ADD2: variants seen among roughly 807,000 people sequenced by gnomAD.
ADD2 encodes the protein adducin 2, also known as beta-adducin.
ADD2 carries 23 observed loss-of-function variants against 83.0 expected under a neutral mutation model. The observed-to-expected ratio is 0.28, with a 90% CI of 0.20 to 0.39. The LOEUF is 0.39. ADD2 is among the 10% of genes least tolerant of loss of function. ADD2 has a pLI of 1.00. For synonymous variants in ADD2, 375 were observed against 375.4 expected, an observed-to-expected ratio of 1.00 and a Z score of 0.01; for missense variants, 758 against 944.9, an observed-to-expected ratio of 0.80 and a Z score of 2.59.
At position 70,676,399 on chromosome 2, in the gene ADD2, C is replaced by T; in HGVS notation, c.1593+397G>A. On this transcript the variant is annotated intron_variant, in intron 13 of 15. Coordinates refer to ENST00000264436, the MANE Select transcript of ADD2 (RefSeq NM_001617.4). This position sits in a 1 kb window ranked among gnomAD's most constrained non-coding sequence, Gnocchi z 4.8. ...GAGCTCTGGTTGGATGATGTCATAC[C>T]AGGCTCAGAGGTCAGAGACTCTCAG... is the stretch of plus-strand genomic sequence containing the variant. The T allele has an allele frequency of 6.1e-6, 7 of 1,148,670 alleles. No individual in the cohort carries two copies. Among genetic ancestry groups the T allele is most frequent in the Non-Finnish European group, 7.5e-6 (7 of 932,320 alleles). The allele number at this position is 1,148,670 out of a possible 1,614,324, so 71.2% of individuals were successfully genotyped here. A position where few individuals can be genotyped will look rare whatever the true frequency, so the allele number is the denominator to read the frequency against.
chr2:70,717,743 C>G (rs908043281), intron 1 of ADD2: 1 of 152,290 alleles, frequency 6.6e-6, no homozygotes, highest in African/African-American at 2.4e-5. Context: ...GCTGCTGCTA[C>G]TTTTACAGAA....
intron 15 of ADD2, among the ~76,000 whole-genome samples, chr2:70,668,395 C>T (rs1553366520): frequency 6.6e-6 from 1 of 152,222 alleles, no homozygotes; most frequent in African/African-American, 2.4e-5. Flanking sequence ...CACACTGCAT[C>T]TGGACAGCCT....
intron 1 of ADD2, among the ~76,000 whole-genome samples, chr2:70,751,827 A>G (rs1674519288): frequency 1.3e-5 from 2 of 152,200 alleles, no homozygotes; most frequent in South Asian, 4.1e-4. Flanking sequence ...CTCAAAATCA[A>G]TCAAGATAAA....
intron 9 of ADD2, 61 bp from the exon 10 acceptor site, chr2:70,683,828 T>C (rs1670587967): frequency 3.3e-6 from 5 of 1,530,318 alleles, no homozygotes; most frequent in Non-Finnish European, 4.4e-6. Flanking sequence ...CACTTATCTA[T>C]GCTCCTGTAT....
chr2:70,661,471 G>C lies in ADD2; in HGVS notation c.*1954C>G, dbSNP rs552976770. On this transcript the variant is annotated 3_prime_UTR_variant, in exon 16 of 16. Coordinates refer to ENST00000264436, the MANE Select transcript of ADD2 (RefSeq NM_001617.4). ...TAAAATTTGACCCAATCAGGAAGTAGAACAGAGATGGAGCCTGGGGTAGCA... is the reference window on the plus strand; with the variant it reads ...TAAAATTTGACCCAATCAGGAAGTACAACAGAGATGGAGCCTGGGGTAGCA... 3 of 152,202 alleles carry C rather than the reference G, an allele frequency of 2.0e-5. No individual in the cohort carries two copies. Among genetic ancestry groups the C allele is most frequent in the African/African-American group, 7.2e-5 (3 of 41,452 alleles). The allele number at this position is 152,202 out of a possible 1,614,324, so 9.4% of individuals were successfully genotyped here.
intron 1 of ADD2, among the ~76,000 whole-genome samples, chr2:70,725,972 G>C (rs1672974494): frequency 6.6e-6 from 1 of 151,902 alleles, no homozygotes; most frequent in South Asian, 2.1e-4. Flanking sequence ...CGGATCACGA[G>C]GTCAGGAGAT....
intron 1 of ADD2, among the ~76,000 whole-genome samples, chr2:70,743,772 C>T (rs146692108): frequency 8.5e-5 from 13 of 152,264 alleles, no homozygotes; most frequent in African/African-American, 2.9e-4. Context: ...GGCCAGATTA[C>T]TATAGCAGGT....
intron 1 of ADD2, among the ~76,000 whole-genome samples, chr2:70,717,073 G>A (rs1553376481): frequency 6.6e-6 from 1 of 151,942 alleles, no homozygotes; most frequent in East Asian, 1.9e-4. Context: ...ACCTCCCTCA[G>A]CTGGGACCCT....
At chr2:70,711,141 TGAA>T (rs1478466388) in intron 2 of ADD2, 2 of 152,214 alleles carry the variant, frequency 1.3e-5, no homozygotes, top group African/African-American at 4.8e-5. Context: ...ACCAGGATGC[TGAA>T]GATCAGAGGA....
At chr2:70,736,776 GTT>G (rs201172481) in intron 1 of ADD2, among the ~76,000 whole-genome samples, 1 of 143,492 alleles carries the variant, frequency 7.0e-6, no homozygotes, top group Non-Finnish European at 1.5e-5. Flanking sequence ...CTGTGTTGCT[GTT>G]TTTTTTTTTT....
In ADD2 at chr2:70,678,877, C is replaced by T; in HGVS notation, c.1210G>A (p.Val404Ile). The part of the protein sequence containing the change: ...HKSEVEIPAT[V>I]TAFVFEEDGA... ...TCCTCCTCAAACACGAAGGCTGTGACCGTGGCTGGAATCTCCACCTCACTT... is the reference window on the plus strand; with the variant it reads ...TCCTCCTCAAACACGAAGGCTGTGATCGTGGCTGGAATCTCCACCTCACTT... The change falls in exon 11 of 16, where the codon GTC becomes ATC. Residue 404 changes from valine (V) to isoleucine (I), a missense_variant. Val to Ile is a conservative substitution (Grantham distance 29). Coordinates refer to ENST00000264436, the MANE Select transcript of ADD2 (RefSeq NM_001617.4). 6.2e-7 allele frequency: 1 copy of T among 1,614,214 alleles called. No individual in the cohort carries two copies. Among genetic ancestry groups the T allele is most frequent in the South Asian group, 1.1e-5 (1 of 91,086 alleles).
intron 9 of ADD2, among the ~76,000 whole-genome samples, chr2:70,684,640 G>T (rs1242815253): frequency 6.6e-6 from 1 of 152,188 alleles, no homozygotes; most frequent in Non-Finnish European, 1.5e-5. Flanking sequence ...TGAATTCACA[G>T]GTCCAAAGGA....
chr2:70,706,629 C>A lies in ADD2; in HGVS notation c.-34-187G>T, dbSNP rs1265219138. On this transcript the variant is annotated intron_variant, in intron 2 of 15. Coordinates refer to ENST00000264436, the MANE Select transcript of ADD2 (RefSeq NM_001617.4). The surrounding 1 kb of genome is among the most constrained non-coding windows in gnomAD (Gnocchi z 5.0). ...GGCCCCATATACCCATCTATAGGGGCGCTGCTGTGCCATGAGACTAAGTAA... is the reference window on the plus strand; with the variant it reads ...GGCCCCATATACCCATCTATAGGGGAGCTGCTGTGCCATGAGACTAAGTAA... Among the ~76,000 whole-genome samples, 2 of 152,164 alleles carry A rather than the reference C, an allele frequency of 1.3e-5. No homozygotes were observed. The highest frequency in any genetic ancestry group is 3.9e-4 in the East Asian group (2 of 5,192).
In ADD2 at chr2:70,663,371, G is replaced by C. The variant is rs1675611194; in HGVS notation, c.*54C>G. 11 of 1,533,994 alleles carry C rather than the reference G, an allele frequency of 7.2e-6. No homozygotes were observed. Among genetic ancestry groups the C allele is most frequent in the Non-Finnish European group, 9.8e-6 (11 of 1,125,528 alleles). Reference sequence around the variant, plus strand: ...TGTGCTTGCAGGGACAGAGATGGGAGAAGGGAAGGGGAGGAGAGAGAGGAG... The same window carrying C: ...TGTGCTTGCAGGGACAGAGATGGGACAAGGGAAGGGGAGGAGAGAGAGGAG... On this transcript the variant is annotated 3_prime_UTR_variant, in exon 16 of 16. Transcript: ENST00000264436.
At chr2:70,688,640 C>T (rs1469684693) in intron 8 of ADD2, among the ~76,000 whole-genome samples, 2 of 152,148 alleles carry the variant, frequency 1.3e-5, no homozygotes, top group Non-Finnish European at 2.9e-5. Context: ...AGAGGTGGCC[C>T]TACAGAAACA....
intron 2 of ADD2, among the ~76,000 whole-genome samples, chr2:70,712,547 C>A (rs1241067279): frequency 6.6e-6 from 1 of 152,052 alleles, no homozygotes; most frequent in Admixed American, 6.6e-5. Context: ...ATGATTTCAA[C>A]CAGGTTTGTC....
In ADD2 at chr2:70,721,945, C is replaced by T. The variant is rs1471418602; in HGVS notation, c.-153-8761G>A. Among the ~76,000 whole-genome samples the T allele has an allele frequency of 2.0e-5, 3 of 152,160 alleles. No homozygotes were observed. The South Asian group carries it at 6.2e-4, about 32-fold the overall frequency. ...GAGCCCACAAATCTTAAAATATGACCCCCTGCTTTGCAATTTCCTGCAATG... is the reference window on the plus strand; with the variant it reads ...GAGCCCACAAATCTTAAAATATGACTCCCTGCTTTGCAATTTCCTGCAATG... On this transcript the variant is annotated intron_variant, in intron 1 of 15. Coordinates refer to ENST00000264436, the MANE Select transcript of ADD2 (RefSeq NM_001617.4).
chr2:70,695,062 T>C (rs1391971562), intron 6 of ADD2, among the ~76,000 whole-genome samples: 1 of 152,096 alleles, frequency 6.6e-6, no homozygotes, highest in Non-Finnish European at 1.5e-5. Flanking sequence ...TTCTATGACT[T>C]GCTGAGCCTG....
chr2:70,688,081 G>A lies in ADD2; in HGVS notation c.891C>T (p.Asp297=), dbSNP rs782806836. ...TCTTGTAAAATGCCTCCTCTACCGT[G>A]TCACCCAGAGCAACCACTCCATGGT... The part of the protein sequence containing the change: ...LRNHGVVALG[D]TVEEAFYKIF... The change falls in exon 9 of 16, where the codon GAC becomes GAT. Residue 297 remains aspartate (D), a synonymous_variant. Coordinates refer to ENST00000264436, the MANE Select transcript of ADD2 (RefSeq NM_001617.4). 1.2e-6 allele frequency: 2 copies of A among 1,614,140 alleles called. No individual in the cohort carries two copies. Among genetic ancestry groups the A allele is most frequent in the Non-Finnish European group, 1.7e-6 (2 of 1,179,996 alleles).
Sources: gnomAD v4.1 joint callset for allele counts (sites outside exome capture counted in the v4.1 genomes callset) on GRCh38, gnomAD v4.1.1 for gene constraint, Gnocchi (gnomAD v3.1) non-coding constraint, MANE v1.5 for transcripts, NCBI Gene and HGNC (gene_info 2026-07-23, HGNC 2026-07-21) for gene names.